KIF26B: variants seen among roughly 807,000 people sequenced by gnomAD.
The protein encoded by KIF26B is kinesin family member 26B, also known as kinesin-like protein KIF26B.
KIF26B carries 63 observed loss-of-function variants against 151.2 expected under a neutral mutation model. That is an observed-to-expected ratio of 0.42 (90% CI 0.34 to 0.51). The LOEUF is 0.51. KIF26B is among the 20% of genes least tolerant of loss of function. The pLI is 0.07. For synonymous variants in KIF26B, 1,357 were observed against 1,262.1 expected, an observed-to-expected ratio of 1.08 and a Z score of -1.59; for missense variants, 2,813 against 2,913.6, an observed-to-expected ratio of 0.97 and a Z score of 0.79.
chr1:245,345,148 A>G (rs534317559), intron 2 of KIF26B, among the ~76,000 whole-genome samples: 1 of 152,194 alleles, frequency 6.6e-6, no homozygotes, highest in East Asian at 1.9e-4. Context: ...TGTTTGGGCC[A>G]TAGGCGCAAG....
chr1:245,412,822 A>G (rs1410176145), intron 3 of KIF26B, among the ~76,000 whole-genome samples: 1 of 152,196 alleles, frequency 6.6e-6, no homozygotes, highest in African/African-American at 2.4e-5. Flanking sequence ...TGAAAAGCAG[A>G]CTTTCACTGC....
intron 3 of KIF26B, among the ~76,000 whole-genome samples, chr1:245,412,254 G>T (rs1472837011): frequency 6.6e-6 from 1 of 152,168 alleles, no homozygotes; most frequent in Non-Finnish European, 1.5e-5. Context: ...GTAGCAGATA[G>T]CAATAAAAGA....
chr1:245,677,990 G>C (rs549112581), intron 10 of KIF26B, among the ~76,000 whole-genome samples: 19 of 152,324 alleles, frequency 1.2e-4, no homozygotes, highest in Admixed American at 1.2e-3. Flanking sequence ...CCTTGGCCAG[G>C]AGCATTGGGC....
At chr1:245,329,600 C>T (rs1193918867) in intron 2 of KIF26B, among the ~76,000 whole-genome samples, 1 of 152,170 alleles carries the variant, frequency 6.6e-6, no homozygotes, top group African/African-American at 2.4e-5. Context: ...GGCTGGAGGC[C>T]GCCATGACAC....
chr1:245,361,621 C>A (rs944575525), intron 2 of KIF26B, among the ~76,000 whole-genome samples: 4 of 152,162 alleles, frequency 2.6e-5, no homozygotes, highest in Non-Finnish European at 4.4e-5. Flanking sequence ...GAGTTTCATG[C>A]TAATCAAGTA....
At chr1:245,504,880 T>C (rs1660701572) in intron 4 of KIF26B, among the ~76,000 whole-genome samples, 1 of 152,246 alleles carries the variant, frequency 6.6e-6, no homozygotes, top group Admixed American at 6.5e-5. Flanking sequence ...AATAAATCCC[T>C]AATTTCCTAT....
intron 10 of KIF26B, among the ~76,000 whole-genome samples, chr1:245,648,786 T>G (rs2043981284): frequency 6.6e-6 from 1 of 152,212 alleles, no homozygotes; most frequent in African/African-American, 2.4e-5. Context: ...CTGCCTTCAT[T>G]CCAGGAGTCC....
chr1:245,432,457 C>G (rs975875091), intron 4 of KIF26B, among the ~76,000 whole-genome samples: 1 of 152,040 alleles, frequency 6.6e-6, no homozygotes, highest in Admixed American at 6.6e-5. Context: ...GACAATAAAC[C>G]AAAGAAAGAT....
intron 2 of KIF26B, among the ~76,000 whole-genome samples, chr1:245,212,151 C>A (rs1331604201): frequency 1.3e-5 from 2 of 152,214 alleles, no homozygotes; most frequent in East Asian, 3.9e-4. Flanking sequence ...GGCTGGCCTC[C>A]ATTTCAGTGC....
At chr1:245,261,630 G>C (rs1221229473) in intron 2 of KIF26B, among the ~76,000 whole-genome samples, 1 of 151,482 alleles carries the variant, frequency 6.6e-6, no homozygotes, top group East Asian at 1.9e-4. Flanking sequence ...TGTTGCCCAG[G>C]CTGGAATGCA....
chr1:245,686,867 G>A lies in KIF26B; in HGVS notation c.3884G>A (p.Cys1295Tyr). 1 of 1,613,570 alleles carries A rather than the reference G, an allele frequency of 6.2e-7. No homozygotes were observed. The highest frequency in any genetic ancestry group is 8.5e-7 in the Non-Finnish European group (1 of 1,179,852). ...MSAGSEGEQS[C>Y]HSFIAQTCFG... ...GCGGGCAGTGAGGGTGAGCAGTCGT[G>A]CCACAGTTTCATAGCCCAGACGTGT... The change falls in exon 12 of 15, where the codon TGC (cysteine) becomes TAC (tyrosine). Residue 1295 changes from cysteine to tyrosine, a missense_variant. Around this residue, in one of 3 missense-constraint regions of KIF26B, gnomAD observed 2,060 missense variants for 2,088.6 expected, o/e 0.99. Transcript: ENST00000407071. This position sits in a 1 kb window ranked among gnomAD's most constrained non-coding sequence, Gnocchi z 5.6.
At chr1:245,295,958 C>A (rs894648400) in intron 2 of KIF26B, among the ~76,000 whole-genome samples, 6 of 152,150 alleles carry the variant, frequency 3.9e-5, no homozygotes, top group Admixed American at 3.3e-4. Flanking sequence ...CACACTTGAA[C>A]TTATGTGGAC....
rs746050012 is a variant in KIF26B, at chr1:245,419,696, G to A, written c.1117G>A (p.Ala373Thr). Residue 373 changes from alanine to threonine, a missense_variant, in exon 4 of 15, where the codon GCC (alanine) becomes ACC (threonine). Physicochemically the swap from Ala to Thr is moderately conservative, Grantham distance 58. This residue lies in a region of KIF26B where 676 missense variants were observed against 688.1 expected (regional missense o/e 0.98). Coordinates refer to ENST00000407071, the MANE Select transcript of KIF26B (RefSeq NM_018012.4). ...CCCAGCCTCGCAGGGCTCCTGCGTG[G>A]CCAGCGAGACTTCCACAGGCACATC... ...SVPASQGSCV[A>T]SETSTGTSVA... 3 of 1,613,576 alleles carry A rather than the reference G, an allele frequency of 1.9e-6. No homozygotes were observed. Among genetic ancestry groups the A allele is most frequent in the Non-Finnish European group, 1.7e-6 (2 of 1,179,676 alleles).
At chr1:245,434,532 G>A (rs1485592994) in intron 4 of KIF26B, among the ~76,000 whole-genome samples, 1 of 152,116 alleles carries the variant, frequency 6.6e-6, no homozygotes, top group Non-Finnish European at 1.5e-5. Context: ...CCCACTCCTT[G>A]CCACCTCATC....
At position 245,367,684 on chromosome 1, in the gene KIF26B, C is replaced by T. The variant is rs1452716991; in HGVS notation, c.999+317C>T. Reference sequence around the variant, plus strand: ...AGCGACTTCCCAGCCAGCAGATTTACCACATGGCAGAGCCATGAAGAGGTA... The same window carrying T: ...AGCGACTTCCCAGCCAGCAGATTTATCACATGGCAGAGCCATGAAGAGGTA... On this transcript the variant is annotated intron_variant, in intron 3 of 14. Coordinates refer to ENST00000407071, the MANE Select transcript of KIF26B (RefSeq NM_018012.4). This position sits in a 1 kb window ranked among gnomAD's most constrained non-coding sequence, Gnocchi z 4.2. Among the ~76,000 whole-genome samples, 3 of 152,234 alleles carry T rather than the reference C, an allele frequency of 2.0e-5. No homozygotes were observed.
Position 245,706,035 on chromosome 1 carries a change from G to A in KIF26B, c.*3429G>A, listed in dbSNP as rs533236933. The A allele has an allele frequency of 6.6e-6, 1 of 152,322 alleles. No individual in the cohort carries two copies. Among genetic ancestry groups the A allele is most frequent in the South Asian group, 2.1e-4 (1 of 4,824 alleles). The allele number at this position is 152,322 out of a possible 1,614,324, so 9.4% of individuals were successfully genotyped here. A position where few individuals can be genotyped will look rare whatever the true frequency, so the allele number is the denominator to read the frequency against. On this transcript the variant is annotated 3_prime_UTR_variant, in exon 15 of 15. Coordinates refer to ENST00000407071, the MANE Select transcript of KIF26B (RefSeq NM_018012.4). ...GTGGGAACCCCTGAGCTGGAGAAGG[G>A]GCTCCTCTCATGAGAAGCTGGGGTA...
At chr1:245,684,773 G>A (rs548113473) in intron 11 of KIF26B, among the ~76,000 whole-genome samples, 13 of 152,296 alleles carry the variant, frequency 8.5e-5, no homozygotes, top group African/African-American at 3.1e-4. Context: ...TCCTTCGAAG[G>A]CTTGGCACCA....
At chr1:245,631,660 G>A (rs961339192) in intron 9 of KIF26B, among the ~76,000 whole-genome samples, 1 of 152,164 alleles carries the variant, frequency 6.6e-6, no homozygotes, top group Non-Finnish European at 1.5e-5. Context: ...AATAGTTTGA[G>A]AAGAATTGGT....
chr1:245,676,807 A>G (rs2044361970), intron 10 of KIF26B, among the ~76,000 whole-genome samples: 1 of 152,194 alleles, frequency 6.6e-6, no homozygotes, highest in African/African-American at 2.4e-5. Flanking sequence ...GCTCTCATGA[A>G]TGCTCATCAC....
Sources: allele counts gnomAD v4.1 joint callset (sites outside exome capture counted in the v4.1 genomes callset), GRCh38; gene constraint gnomAD v4.1.1; regional missense constraint gnomAD v4.1.1; non-coding constraint Gnocchi (gnomAD v3.1); transcripts MANE v1.5; gene names NCBI Gene and HGNC (gene_info 2026-07-23, HGNC 2026-07-21).